The following ZBTB38 variants were observed in gnomAD, a reference collection of about 807,000 sequenced individuals.
The protein encoded by ZBTB38 is zinc finger and BTB domain-containing protein 38.
In ZBTB38, 20 loss-of-function variants were observed where a neutral mutation model predicts 76.8. The observed-to-expected ratio is 0.26, with a 90% CI of 0.18 to 0.38. ZBTB38 has a LOEUF of 0.38. Among genes scored for constraint, ZBTB38 ranks in the 10% least tolerant of loss-of-function variants. The probability of loss-of-function intolerance (pLI) is 1.00; values close to 1 mark genes in which losing one functional copy is unlikely to be tolerated. For synonymous variants in ZBTB38, 504 were observed against 544.2 expected, an observed-to-expected ratio of 0.93 and a Z score of 1.03; for missense variants, 1,082 against 1,482.3, an observed-to-expected ratio of 0.73 and a Z score of 4.43.
At chr3:141,382,992 G>A (rs548724063) in intron 3 of ZBTB38, among the ~76,000 whole-genome samples, 15 of 152,320 alleles carry the variant, frequency 9.8e-5, no homozygotes, top group African/African-American at 3.4e-4. Flanking sequence ...TATTTACTGT[G>A]TGTAATCTCT....
chr3:141,339,276 A>G (rs1228967998), intron 1 of ZBTB38, among the ~76,000 whole-genome samples: 1 of 152,176 alleles, frequency 6.6e-6, no homozygotes, highest in Non-Finnish European at 1.5e-5. Context: ...GTTCACTTGA[A>G]CTGTTCTAGG....
intron 5 of ZBTB38, among the ~76,000 whole-genome samples, chr3:141,419,593 C>G (rs753625075): frequency 2.0e-5 from 3 of 152,260 alleles, no homozygotes; most frequent in Admixed American, 6.5e-5. Context: ...GGGACTTTGT[C>G]TTCATTTTTC....
At chr3:141,351,990 A>G (rs1943531473) in intron 1 of ZBTB38, among the ~76,000 whole-genome samples, 1 of 152,044 alleles carries the variant, frequency 6.6e-6, no homozygotes, top group Admixed American at 6.6e-5. Context: ...ACTTCTCATT[A>G]TTTAATTCAG....
chr3:141,445,260 C>A lies in ZBTB38; in HGVS notation c.2872C>A (p.Leu958Met). 6.2e-7 allele frequency: 1 copy of A among 1,614,168 alleles called. No homozygotes were observed. Among genetic ancestry groups the A allele is most frequent in the Non-Finnish European group, 8.5e-7 (1 of 1,180,038 alleles). Residue 958 changes from leucine (L) to methionine (M), a missense_variant, in exon 6 of 6, where the codon CTG (leucine) becomes ATG (methionine). Leu to Met is a conservative substitution (Grantham distance 15). This residue lies in a region of ZBTB38 where 471 missense variants were observed against 581.0 expected (regional missense o/e 0.81). Coordinates refer to ENST00000321464, the MANE Select transcript of ZBTB38 (RefSeq NM_001376113.1). The surrounding 1 kb of genome is among the most constrained non-coding windows in gnomAD (Gnocchi z 6.5). ...CCATAAATGTAAATACCCAGCAGAA[C>A]TGGATTGCGCCGTGGGGAAGGCTCC... ...PSHKCKYPAE[L>M]DCAVGKAPQD...
intron 1 of ZBTB38, among the ~76,000 whole-genome samples, chr3:141,345,973 C>T (rs1943341150): frequency 6.6e-6 from 1 of 152,150 alleles, no homozygotes. Flanking sequence ...CTGTTCCCGG[C>T]AGGGCTTCGG....
At position 141,413,929 on chromosome 3, in the gene ZBTB38, A is replaced by G. The variant is rs764439094; in HGVS notation, c.-1+9898A>G. Among the ~76,000 whole-genome samples the G allele has an allele frequency of 5.3e-5, 8 of 152,332 alleles. 1 individual carries two copies. The highest frequency in any genetic ancestry group is 1.2e-4 in the Non-Finnish European group (8 of 68,028). On this transcript the variant is annotated intron_variant, in intron 5 of 5. Transcript: ENST00000321464. This position sits in a 1 kb window ranked among gnomAD's most constrained non-coding sequence, Gnocchi z 4.1. The stretch of plus-strand genomic sequence containing the variant: ...TCCTTAAGAAATAGTATGTCACCCA[A>G]ATATATTCTGTGGTAAGGCTTCTCA...
rs141271738 is a variant in ZBTB38 at position 141,429,834 on chromosome 3, A to G, written c.1-12555A>G. On this transcript the variant is annotated intron_variant, in intron 5 of 5. Transcript: ENST00000321464. ...TGTGCATCAAAGGCCACAGGGCCAG[A>G]AGAGACTGGGCAGGTAGAGTCCGCC... 3.3e-4 allele frequency among the ~76,000 whole-genome samples: 51 copies of G among 152,292 alleles called. 1 individual carries two copies. The Middle Eastern group carries it at 0.01, about 30-fold the overall frequency.
At chr3:141,381,675 A>G (rs534525591) in intron 3 of ZBTB38, among the ~76,000 whole-genome samples, 188 bp downstream of exon 3, 18 of 152,318 alleles carry the variant, frequency 1.2e-4, no homozygotes, top group African/African-American at 4.1e-4. Context: ...GGTAGGGTGG[A>G]GCTGGTGGAT....
intron 1 of ZBTB38, among the ~76,000 whole-genome samples, chr3:141,345,090 G>C (rs527729563): frequency 7.9e-5 from 12 of 152,188 alleles, no homozygotes; most frequent in African/African-American, 2.9e-4. Context: ...ATATTGCTAA[G>C]AGTCATCAAC....
chr3:141,351,943 A>G (rs1486559308), intron 1 of ZBTB38, among the ~76,000 whole-genome samples: 1 of 151,956 alleles, frequency 6.6e-6, no homozygotes, highest in African/African-American at 2.4e-5. Context: ...TACAAAGATA[A>G]AGTCTTGTTT....
At position 141,446,169 on chromosome 3, in the gene ZBTB38, T is replaced by G; in HGVS notation, c.*193T>G. 2.2e-6 allele frequency: 1 copy of G among 458,206 alleles called. No homozygotes were observed. Among genetic ancestry groups the G allele is most frequent in the Non-Finnish European group, 3.6e-6 (1 of 274,322 alleles). The allele number at this position is 458,206 out of a possible 1,614,324, so 28.4% of individuals were successfully genotyped here. Reference sequence around the variant, plus strand: ...GTTTTAGCATTAACTTTATGCAAAGTGCACAAAAACAAAATAGCTGACTCC... The same window carrying G: ...GTTTTAGCATTAACTTTATGCAAAGGGCACAAAAACAAAATAGCTGACTCC... On this transcript the variant is annotated 3_prime_UTR_variant, in exon 6 of 6. Transcript: ENST00000321464.
intron 2 of ZBTB38, among the ~76,000 whole-genome samples, 178 bp from the exon 3 acceptor site, chr3:141,381,247 C>T (rs896333793): frequency 2.0e-5 from 3 of 152,138 alleles, no homozygotes; most frequent in Admixed American, 6.5e-5. Context: ...TTGCTAAAGC[C>T]GAGGTAGTGA....
At chr3:141,392,071 T>C (rs950646137) in intron 4 of ZBTB38, among the ~76,000 whole-genome samples, 7 of 152,258 alleles carry the variant, frequency 4.6e-5, no homozygotes, top group Admixed American at 4.6e-4. Context: ...TAAGGCTCTT[T>C]TGAGCCTTCT....
Position 141,448,094 on chromosome 3 carries a change from A to G in ZBTB38, c.*2118A>G, listed in dbSNP as rs1248093657. On this transcript the variant is annotated 3_prime_UTR_variant, in exon 6 of 6. Transcript: ENST00000321464. ...ATCCACTAATTTGTTTTATCAGTTAATAATATTAATCAAAGACATTTACTG... is the reference window on the plus strand; with the variant it reads ...ATCCACTAATTTGTTTTATCAGTTAGTAATATTAATCAAAGACATTTACTG... The G allele has an allele frequency of 6.6e-6, 1 of 152,630 alleles. No individual in the cohort carries two copies. The highest frequency in any genetic ancestry group is 1.5e-5 in the Non-Finnish European group (1 of 68,016). The allele number at this position is 152,630 out of a possible 1,614,324, so 9.5% of individuals were successfully genotyped here.
intron 2 of ZBTB38, among the ~76,000 whole-genome samples, chr3:141,373,218 G>A (rs955008408): frequency 2.0e-5 from 3 of 152,190 alleles, no homozygotes; most frequent in Non-Finnish European, 4.4e-5. Context: ...GAGACAGCCT[G>A]GGAAAAGTTA....
intron 1 of ZBTB38, among the ~76,000 whole-genome samples, chr3:141,358,474 A>G (rs1943727642): frequency 6.6e-6 from 1 of 152,202 alleles, no homozygotes. Flanking sequence ...AAGTCAAGGA[A>G]ATGAATTTGT....
intron 4 of ZBTB38, among the ~76,000 whole-genome samples, chr3:141,400,250 T>C (rs1951520404): frequency 6.6e-6 from 1 of 152,220 alleles, no homozygotes; most frequent in Non-Finnish European, 1.5e-5. Flanking sequence ...TTAGACTGTG[T>C]TGTTTAAAAC....
intron 5 of ZBTB38, chr3:141,431,746 C>G (rs1182846021): frequency 6.6e-6 from 1 of 152,174 alleles, no homozygotes; most frequent in African/African-American, 2.4e-5. Flanking sequence ...TGGCCTCCCT[C>G]TCTGCTGAGT....
At chr3:141,395,722 T>A (rs1039406683) in intron 4 of ZBTB38, among the ~76,000 whole-genome samples, 6 of 152,174 alleles carry the variant, frequency 3.9e-5, no homozygotes, top group Non-Finnish European at 7.4e-5. Context: ...AATTTTCACA[T>A]CATGAAATAC....
Sources: gnomAD v4.1 joint callset for allele counts (sites outside exome capture counted in the v4.1 genomes callset) on GRCh38, gnomAD v4.1.1 for gene constraint, gnomAD v4.1.1 regional missense constraint, Gnocchi (gnomAD v3.1) non-coding constraint, MANE v1.5 for transcripts, NCBI Gene and HGNC (gene_info 2026-07-23, HGNC 2026-07-21) for gene names.